Variants in MTA1 observed in about 807,000 individuals in gnomAD.
The protein encoded by MTA1 is metastasis associated 1.
Under a neutral mutation model 97.0 loss-of-function variants are expected in MTA1, and 15 were observed. The ratio of observed to expected loss-of-function variants is 0.15; its 90% CI spans 0.10 to 0.24. The LOEUF (loss-of-function observed/expected upper bound fraction) is 0.24, where lower values mean the gene tolerates loss of function less well. Among genes scored for constraint, MTA1 ranks in the 10% least tolerant of loss-of-function variants. The probability of loss-of-function intolerance (pLI) is 1.00; values close to 1 mark genes in which losing one functional copy is unlikely to be tolerated. For synonymous variants in MTA1, 435 were observed against 417.5 expected (o/e 1.04, Z -0.51); for missense variants, 709 against 1,015.1 (o/e 0.70, Z 4.10).
chr14:105,454,905 C>T (rs782068952), intron 7 of MTA1, among the ~76,000 whole-genome samples: 1 of 151,090 alleles, frequency 6.6e-6, no homozygotes, highest in Non-Finnish European at 1.5e-5. Flanking sequence ...AGTTATTTTT[C>T]ATTACTTTTT....
chr14:105,432,152 A>G (rs1224987718), intron 1 of MTA1, among the ~76,000 whole-genome samples: 1 of 152,184 alleles, frequency 6.6e-6, no homozygotes, highest in African/African-American at 2.4e-5. Context: ...TGCCTGGCCT[A>G]AAGCTGAACA....
At chr14:105,457,787 ATG>A (rs1286171276) in intron 7 of MTA1, among the ~76,000 whole-genome samples, 8 of 152,080 alleles carry the variant, frequency 5.3e-5, no homozygotes, top group Non-Finnish European at 8.8e-5. Flanking sequence ...TTAGCTGGGC[ATG>A]GTGTCGGTGC....
intron 1 of MTA1, among the ~76,000 whole-genome samples, chr14:105,426,281 A>G (rs1555422240): frequency 6.6e-6 from 1 of 151,808 alleles, no homozygotes; most frequent in Non-Finnish European, 1.5e-5. Context: ...TCCTGGTACC[A>G]AGCATACCTT....
chr14:105,430,141 G>A (rs2082137033), intron 1 of MTA1, among the ~76,000 whole-genome samples: 1 of 152,104 alleles, frequency 6.6e-6, no homozygotes, highest in African/African-American at 2.4e-5. Flanking sequence ...TTTCCGTTAG[G>A]GTATCTTGGC....
At chr14:105,436,891 C>T (rs782002510) in intron 1 of MTA1, among the ~76,000 whole-genome samples, 23 of 152,238 alleles carry the variant, frequency 1.5e-4, no homozygotes, top group Non-Finnish European at 2.8e-4. Flanking sequence ...TGAATTCTAG[C>T]GTTTTCACAG....
Position 105,466,731 on chromosome 14 carries a change from T to G in MTA1, c.1802T>G (p.Met601Arg). The change falls in exon 18 of 21, where the codon ATG (methionine) becomes AGG (arginine). Residue 601 changes from methionine to arginine, a missense_variant. Met to Arg is a moderately conservative substitution (Grantham distance 91). This residue lies in a region of MTA1 where 388 missense variants were observed against 421.6 expected (regional missense o/e 0.92). Coordinates refer to ENST00000331320, the MANE Select transcript of MTA1 (RefSeq NM_004689.4). ...VDGNMKKRLL[M>R]PSRGLANHGQ... ...GGCAACATGAAGAAGCGCCTCTTGA[T>G]GCCCAGTAGGGGTAAGGCCTGGAGC... 1 of 1,594,586 alleles carries G rather than the reference T, an allele frequency of 6.3e-7. No homozygotes were observed. Among genetic ancestry groups the G allele is most frequent in the Non-Finnish European group, 8.5e-7 (1 of 1,172,200 alleles).
chr14:105,423,006 C>T (rs28730331), intron 1 of MTA1, among the ~76,000 whole-genome samples: 9,778 of 152,134 alleles, frequency 0.064, 1,014 homozygotes, highest in African/African-American at 0.22. Context: ...CCCAGGGCAA[C>T]GGCGGGATGT....
chr14:105,469,790 A>T (rs782191763), intron 19 of MTA1, 51 bp from the exon 20 acceptor site: 103 of 1,304,796 alleles, frequency 7.9e-5, no homozygotes, highest in Non-Finnish European at 1.0e-4. Flanking sequence ...CTGCAGGTTG[A>T]GGTGGAGCTG....
At chr14:105,460,583 C>A in intron 9 of MTA1, 126 bp downstream of exon 9, 1 of 1,186,678 alleles carries the variant, frequency 8.4e-7, no homozygotes, top group Non-Finnish European at 1.2e-6. Context: ...GAGGTGCTGT[C>A]CCACCTGGAC....
In MTA1 at chr14:105,469,523, G is replaced by A. The variant is rs587704719; in HGVS notation, c.1845+25G>A. 3.5e-5 allele frequency: 57 copies of A among 1,611,428 alleles called. No individual in the cohort carries two copies. The East Asian group carries it at 1.2e-3, about 33-fold the overall frequency. On this transcript the variant is annotated intron_variant, in intron 19 of 20. Coordinates refer to ENST00000331320, the MANE Select transcript of MTA1 (RefSeq NM_004689.4). ...GGTAAGAGGAACAACCCATGATGGGGTACGGTGCGCTCACCCATGAGCTCT... is the reference window on the plus strand; with the variant it reads ...GGTAAGAGGAACAACCCATGATGGGATACGGTGCGCTCACCCATGAGCTCT...
At chr14:105,447,520 G>A (rs868914397) in intron 3 of MTA1, among the ~76,000 whole-genome samples, 2 of 152,326 alleles carry the variant, frequency 1.3e-5, no homozygotes, top group Non-Finnish European at 1.5e-5. Context: ...CAGACATAAC[G>A]TGATTAGAGG....
intron 1 of MTA1, among the ~76,000 whole-genome samples, chr14:105,431,305 C>T (rs1555423293): frequency 6.6e-6 from 1 of 152,176 alleles, no homozygotes. Context: ...TCAGGTGATC[C>T]ACCCACCTTG....
Position 105,462,784 on chromosome 14 carries a change from G to C in MTA1, c.943-400G>C, listed in dbSNP as rs587762671. On this transcript the variant is annotated intron_variant, in intron 10 of 20. Coordinates refer to ENST00000331320, the MANE Select transcript of MTA1 (RefSeq NM_004689.4). ...CTCAGGAGACAGAGGCAGGAGAATT[G>C]CTTGAACCCGGGAGGCAGAGGTTGC... is the stretch of plus-strand genomic sequence containing the variant. 2.4e-3 allele frequency among the ~76,000 whole-genome samples: 366 copies of C among 152,016 alleles called. 2 individuals carry two copies. The highest frequency in any genetic ancestry group is 8.5e-3 in the African/African-American group (350 of 41,414).
In MTA1 at chr14:105,426,919, C is replaced by T. The variant is rs587700880; in HGVS notation, c.28+6856C>T. On this transcript the variant is annotated intron_variant, in intron 1 of 20. Transcript: ENST00000331320. ...TGACCACTGTTGCTGTTTCTCTTGA[C>T]TCTGTTCCCAAAAGGGAAAAGACAA... Among the ~76,000 whole-genome samples, 26 of 152,330 alleles carry T rather than the reference C, an allele frequency of 1.7e-4. No homozygotes were observed. The East Asian group carries it at 4.6e-3, about 27-fold the overall frequency.
intron 1 of MTA1, among the ~76,000 whole-genome samples, chr14:105,436,799 C>T (rs369668760): frequency 1.4e-4 from 21 of 152,248 alleles, no homozygotes; most frequent in African/African-American, 4.6e-4. Context: ...AAAGTTAGAC[C>T]GTTGATTTGA....
chr14:105,456,777 CAGGGTACCCCTG>C (rs1474589071), intron 7 of MTA1, among the ~76,000 whole-genome samples: 1 of 152,240 alleles, frequency 6.6e-6, no homozygotes, highest in East Asian at 1.9e-4. Context: ...CCAGCTTCCC[CAGGGTACCCCTG>C]AGCCAGGTGA....
Position 105,464,714 on chromosome 14 carries a change from A to G in MTA1, c.1385A>G (p.Lys462Arg), listed in dbSNP as rs782428485. Residue 462 changes from lysine (K) to arginine (R), a missense_variant, in exon 15 of 21, where the codon AAG (lysine) becomes AGG (arginine). Lys to Arg is a conservative substitution (Grantham distance 26). Coordinates refer to ENST00000331320, the MANE Select transcript of MTA1 (RefSeq NM_004689.4). ...GLPARSSGSP[K>R]FAMKTRQAFY... Reference sequence around the variant, plus strand: ...CCAGCCCGGAGCAGCGGGAGCCCCAAGTTTGCCATGAAGACCAGGCAGGCT... The same window carrying G: ...CCAGCCCGGAGCAGCGGGAGCCCCAGGTTTGCCATGAAGACCAGGCAGGCT... 13 of 1,607,398 alleles carry G rather than the reference A, an allele frequency of 8.1e-6. No homozygotes were observed. Among genetic ancestry groups the G allele is most frequent in the Non-Finnish European group, 1.0e-5 (12 of 1,175,878 alleles).
chr14:105,444,713 C>T (rs1375645617), intron 2 of MTA1, among the ~76,000 whole-genome samples: 2 of 151,174 alleles, frequency 1.3e-5, no homozygotes, highest in Non-Finnish European at 2.9e-5. Flanking sequence ...ATCACTTGAA[C>T]CCAGGAGGCA....
chr14:105,456,162 G>A (rs937031279), intron 7 of MTA1, among the ~76,000 whole-genome samples: 10 of 152,250 alleles, frequency 6.6e-5, no homozygotes, highest in African/African-American at 2.4e-4. Context: ...TTTCTGGCCT[G>A]GCCAAAGGTG....
Sources: gnomAD v4.1 joint callset for allele counts (sites outside exome capture counted in the v4.1 genomes callset) on GRCh38, gnomAD v4.1.1 for gene constraint, gnomAD v4.1.1 regional missense constraint, MANE v1.5 for transcripts, NCBI Gene and HGNC (gene_info 2026-07-23, HGNC 2026-07-21) for gene names.